Variants in ACER3 observed in about 807,000 individuals in gnomAD.
ACER3 encodes the protein alkCDase 3.
Under a neutral mutation model 48.9 loss-of-function variants are expected in ACER3, and 16 were observed. The observed-to-expected ratio is 0.33, with a 90% confidence interval of 0.22 to 0.50. The LOEUF (loss-of-function observed/expected upper bound fraction) is 0.50. ACER3 is among the 20% of genes least tolerant of loss of function. The pLI is 0.98. For synonymous variants in ACER3, 109 were observed against 107.8 expected, an observed-to-expected ratio of 1.01 and a Z score of -0.07; for missense variants, 227 against 326.0, an observed-to-expected ratio of 0.70 and a Z score of 2.34.
rs187444152 is a variant in ACER3, at chr11:76,905,659, A to G, written c.104-20898A>G. Among the ~76,000 whole-genome samples the G allele has an allele frequency of 8.5e-5, 13 of 152,386 alleles. No individual in the cohort carries two copies. The East Asian group carries it at 2.5e-3, about 29-fold the overall frequency. On this transcript the variant is annotated intron_variant, in intron 1 of 10. Transcript: ENST00000532485. ...CACTGCAGTATTGTTTAACAAAAAC[A>G]TAGGAAACAATCTAGAATGTTCATT...
chr11:77,019,709 C>T, intron 9 of ACER3, 22 bp from the exon 10 acceptor site: 1 of 1,612,530 alleles, frequency 6.2e-7, no homozygotes, highest in Non-Finnish European at 8.5e-7. Flanking sequence ...GAAAAGCTTT[C>T]CCCCTCCCAC....
At chr11:76,999,656 G>A (rs1479717138) in intron 7 of ACER3, among the ~76,000 whole-genome samples, 1 of 151,974 alleles carries the variant, frequency 6.6e-6, no homozygotes, top group Non-Finnish European at 1.5e-5. Flanking sequence ...TTAACCTCTG[G>A]TGATCACTTA....
chr11:76,955,754 G>A (rs1276882817), intron 2 of ACER3, among the ~76,000 whole-genome samples: 1 of 152,224 alleles, frequency 6.6e-6, no homozygotes, highest in African/African-American at 2.4e-5. Context: ...ATGAACTGGG[G>A]AGTTGGGGAG....
At position 77,016,806 on chromosome 11, in the gene ACER3, C is replaced by T. The variant is rs782633622; in HGVS notation, c.704+27C>T. The T allele has an allele frequency of 1.8e-5, 22 of 1,257,070 alleles. No homozygotes were observed. In the South Asian group the frequency reaches 2.0e-4, roughly 12 times the overall value. 77.9% of individuals were successfully genotyped at this position (1,257,070 alleles called of 1,614,324 possible). ...TAGGAAATAGAGACTTTTTTAGCCT[C>T]GTACTAGAGTTTGTTGTTTTTTTTT... On this transcript the variant is annotated intron_variant, in intron 9 of 10. Transcript: ENST00000532485.
Position 77,015,122 on chromosome 11 carries a change from GAT to G in ACER3, c.599+10_599+11del. The G allele has an allele frequency of 7.1e-7, 1 of 1,408,924 alleles. No homozygotes were observed. The highest frequency in any genetic ancestry group is 1.0e-6 in the Non-Finnish European group (1 of 1,000,798). The allele number at this position is 1,408,924 out of a possible 1,614,324, so 87.3% of individuals were successfully genotyped here. A position where few individuals can be genotyped will look rare whatever the true frequency, so the allele number is the denominator to read the frequency against. ...CATATTTTGTGAGTCACTGAGGTAA[GAT>G]ATATTTTCATTCCTTCAGAAATATT... On this transcript the variant is annotated splice_donor_region_variant and intron_variant, in intron 8 of 10. Transcript: ENST00000532485.
intron 1 of ACER3, among the ~76,000 whole-genome samples, chr11:76,891,597 G>T (rs1945806631): frequency 1.3e-5 from 2 of 152,176 alleles, no homozygotes; most frequent in Non-Finnish European, 2.9e-5. Context: ...GAAGCCAGTT[G>T]GTCAGACAGT....
chr11:77,020,377 G>A lies in ACER3; in HGVS notation c.*50G>A. ...ACAAGCACCTACCATAGACCTGGCA[G>A]AATAAATAAGGAAATCCTTAAAGAT... On this transcript the variant is annotated 3_prime_UTR_variant, in exon 11 of 11. Transcript: ENST00000532485. 1 of 1,575,026 alleles carries A rather than the reference G, an allele frequency of 6.3e-7. No homozygotes were observed. Among genetic ancestry groups the A allele is most frequent in the South Asian group, 1.1e-5 (1 of 89,882 alleles).
At chr11:76,932,004 A>G (rs966130156) in intron 2 of ACER3, among the ~76,000 whole-genome samples, 1 of 144,380 alleles carries the variant, frequency 6.9e-6, no homozygotes, top group Admixed American at 7.0e-5. Context: ...GCTGGAGTGT[A>G]GTGGTACAAT....
At chr11:76,903,112 C>T (rs1946122681) in intron 1 of ACER3, among the ~76,000 whole-genome samples, 1 of 151,898 alleles carries the variant, frequency 6.6e-6, no homozygotes, top group South Asian at 2.1e-4. Flanking sequence ...TATTTCCAAG[C>T]TACATAGTTT....
intron 2 of ACER3, among the ~76,000 whole-genome samples, chr11:76,928,026 G>A (rs977477352): frequency 1.3e-5 from 2 of 152,238 alleles, no homozygotes; most frequent in African/African-American, 4.8e-5. Context: ...GATCCTCAAG[G>A]AATCGCCACA....
At chr11:76,884,511 A>G (rs1565158308) in intron 1 of ACER3, among the ~76,000 whole-genome samples, 1 of 152,182 alleles carries the variant, frequency 6.6e-6, no homozygotes, top group Non-Finnish European at 1.5e-5. Flanking sequence ...CTATTGGATC[A>G]AGCCCATTGT....
At chr11:76,938,243 G>C (rs2134904699) in intron 2 of ACER3, among the ~76,000 whole-genome samples, 1 of 152,278 alleles carries the variant, frequency 6.6e-6, no homozygotes, top group East Asian at 1.9e-4. Context: ...TGGAACTCCT[G>C]GGCTCAAGCG....
chr11:76,877,046 A>G (rs1945400022), intron 1 of ACER3, among the ~76,000 whole-genome samples: 1 of 152,208 alleles, frequency 6.6e-6, no homozygotes, highest in Non-Finnish European at 1.5e-5. Context: ...TTTTATTCTT[A>G]GAAGATGAGA....
Position 77,020,376 on chromosome 11 carries a change from A to C in ACER3, c.*49A>C. 2 of 1,575,032 alleles carry C rather than the reference A, an allele frequency of 1.3e-6. No homozygotes were observed. The highest frequency in any genetic ancestry group is 1.7e-6 in the Non-Finnish European group (2 of 1,150,380). ...AACAAGCACCTACCATAGACCTGGC[A>C]GAATAAATAAGGAAATCCTTAAAGA... On this transcript the variant is annotated 3_prime_UTR_variant, in exon 11 of 11. Coordinates refer to ENST00000532485, the MANE Select transcript of ACER3 (RefSeq NM_018367.7).
intron 1 of ACER3, among the ~76,000 whole-genome samples, chr11:76,917,461 C>A (rs61665044): frequency 0.021 from 3,205 of 152,082 alleles, 115 homozygotes; most frequent in African/African-American, 0.074. Flanking sequence ...TGCCTGTAAT[C>A]CCAGCACTTT....
intron 4 of ACER3, among the ~76,000 whole-genome samples, chr11:76,978,981 C>T (rs1314843027): frequency 6.6e-6 from 1 of 152,234 alleles, no homozygotes; most frequent in Non-Finnish European, 1.5e-5. Context: ...CCCAAGCTTG[C>T]TCATTAAACA....
intron 2 of ACER3, among the ~76,000 whole-genome samples, chr11:76,930,947 T>C (rs1204375226): frequency 6.6e-6 from 1 of 150,946 alleles, no homozygotes; most frequent in East Asian, 1.9e-4. Flanking sequence ...TTCTGTTGAT[T>C]TGGGGTGGAG....
chr11:77,013,017 A>C (rs1371954386), intron 7 of ACER3, among the ~76,000 whole-genome samples: 1 of 152,208 alleles, frequency 6.6e-6, no homozygotes, highest in African/African-American at 2.4e-5. Flanking sequence ...TCAGTGGAGA[A>C]AGATAATCTT....
intron 1 of ACER3, among the ~76,000 whole-genome samples, chr11:76,902,675 C>A (rs774249701): frequency 1.5e-4 from 23 of 152,280 alleles, no homozygotes; most frequent in Admixed American, 5.9e-4. Context: ...TCAAAGTTTA[C>A]AATATTGCAC....
Sources: allele counts gnomAD v4.1 joint callset (sites outside exome capture counted in the v4.1 genomes callset), GRCh38; gene constraint gnomAD v4.1.1; transcripts MANE v1.5; gene names NCBI Gene and HGNC (gene_info 2026-07-23, HGNC 2026-07-21).